PBX4: variants seen among roughly 807,000 people sequenced by gnomAD.
The protein encoded by PBX4 is pre-B-cell leukemia transcription factor 4.
PBX4 carries 26 observed loss-of-function variants against 35.1 expected under a neutral mutation model. The observed-to-expected ratio is 0.74, with a 90% CI of 0.54 to 1.03. The LOEUF is 1.03. Among genes scored for constraint, PBX4 ranks in the 50% least tolerant of loss-of-function variants. PBX4 has a pLI of 0.00. For missense variants in PBX4, 448 were observed against 504.3 expected (o/e 0.89, Z 1.07); for synonymous variants, 199 against 204.2 (o/e 0.97, Z 0.22).
rs1161029741 is a variant in PBX4 at position 19,594,589 on chromosome 19, A to ATGCGTGT, written c.193+4702_193+4703insACACGCA. The stretch of plus-strand genomic sequence containing the variant: ...CAGACTCATGCAGTAACATCCACAC[A>ATGCGTGT]GGGGCAGATGGAATTATGAAGAGGC... On this transcript the variant is annotated intron_variant, in intron 2 of 7. Coordinates refer to ENST00000251203, the MANE Select transcript of PBX4 (RefSeq NM_025245.3). Among the ~76,000 whole-genome samples the ATGCGTGT allele has an allele frequency of 1.1e-4, 16 of 152,226 alleles. No individual in the cohort carries two copies. The East Asian group carries it at 3.1e-3, about 29-fold the overall frequency.
chr19:19,595,134 A>G (rs998407546), intron 2 of PBX4, among the ~76,000 whole-genome samples: 2 of 152,222 alleles, frequency 1.3e-5, no homozygotes, highest in South Asian at 4.1e-4. Context: ...TCCTGGGGTC[A>G]GGGTCAGGGG....
intron 1 of PBX4, among the ~76,000 whole-genome samples, chr19:19,603,365 G>A (rs1490777382): frequency 1.3e-5 from 2 of 151,922 alleles, no homozygotes; most frequent in Non-Finnish European, 2.9e-5. Flanking sequence ...AGGCTGGAGT[G>A]CAGTGGTGCA....
At chr19:19,565,165 G>C in intron 5 of PBX4, 76 bp from the exon 6 acceptor site, 3 of 1,582,942 alleles carry the variant, frequency 1.9e-6, no homozygotes, top group Non-Finnish European at 2.6e-6. Context: ...GGGTTCCCTG[G>C]GGTGCCCGTT....
intron 1 of PBX4, among the ~76,000 whole-genome samples, chr19:19,601,464 A>G (rs2061596758): frequency 6.6e-6 from 1 of 152,188 alleles, no homozygotes; most frequent in South Asian, 2.1e-4. Flanking sequence ...TATGGTTGGC[A>G]GGATAATGGC....
At chr19:19,593,448 C>A (rs2061541089) in intron 2 of PBX4, among the ~76,000 whole-genome samples, 1 of 152,174 alleles carries the variant, frequency 6.6e-6, no homozygotes, top group Admixed American at 6.5e-5. Flanking sequence ...GGGATGAGGA[C>A]AGATGGAGCA....
chr19:19,563,278 C>A lies in PBX4; in HGVS notation c.1032+231G>T, dbSNP rs1220664238. On this transcript the variant is annotated intron_variant, in intron 7 of 7. Coordinates refer to ENST00000251203, the MANE Select transcript of PBX4 (RefSeq NM_025245.3). This position sits in a 1 kb window ranked among gnomAD's most constrained non-coding sequence, Gnocchi z 5.1. The stretch of plus-strand genomic sequence containing the variant: ...GCCCTCATCTTGGGGTTCATCCCCA[C>A]TGACTGTTCCCAGCGGCTGCCGTGG... Among the ~76,000 whole-genome samples, 1 of 152,206 alleles carries A rather than the reference C, an allele frequency of 6.6e-6. No homozygotes were observed. Among genetic ancestry groups the A allele is most frequent in the Non-Finnish European group, 1.5e-5 (1 of 68,034 alleles).
At position 19,563,859 on chromosome 19, in the gene PBX4, G is replaced by C. The variant is rs2061324277; in HGVS notation, c.926-244C>G. The stretch of plus-strand genomic sequence containing the variant: ...GTCTCGCTCTGTCACCCAGGCTTGA[G>C]TGCAGTGGCACGATCTTGGCTCACT... On this transcript the variant is annotated intron_variant, in intron 6 of 7. Coordinates refer to ENST00000251203, the MANE Select transcript of PBX4 (RefSeq NM_025245.3). This position sits in a 1 kb window ranked among gnomAD's most constrained non-coding sequence, Gnocchi z 5.1. The C allele has an allele frequency of 2.6e-6, 1 of 387,588 alleles. No individual in the cohort carries two copies. The highest frequency in any genetic ancestry group is 4.9e-6 in the Non-Finnish European group (1 of 204,980). The allele number at this position is 387,588 out of a possible 1,614,324, so 24.0% of individuals were successfully genotyped here.
At chr19:19,615,405 G>A (rs2061684060) in intron 1 of PBX4, among the ~76,000 whole-genome samples, 1 of 151,104 alleles carries the variant, frequency 6.6e-6, no homozygotes, top group African/African-American at 2.4e-5. Flanking sequence ...TTCTCAAACA[G>A]AGCATCTGAA....
At chr19:19,600,259 G>A (rs1426361944) in intron 1 of PBX4, among the ~76,000 whole-genome samples, 1 of 152,170 alleles carries the variant, frequency 6.6e-6, no homozygotes, top group Non-Finnish European at 1.5e-5. Context: ...GGCATTAGTG[G>A]CTCATGTCTG....
chr19:19,567,307 T>C (rs751538894), intron 5 of PBX4, among the ~76,000 whole-genome samples: 20 of 152,212 alleles, frequency 1.3e-4, no homozygotes, highest in Admixed American at 5.9e-4. Flanking sequence ...CAGATCCCGA[T>C]GAGCAAAGTC....
chr19:19,570,930 T>G, intron 2 of PBX4, 97 bp from the exon 3 acceptor site: 1 of 1,489,736 alleles, frequency 6.7e-7, no homozygotes, highest in Non-Finnish European at 9.1e-7. Context: ...TGAAGATTTT[T>G]GCATAGAACC....
At chr19:19,589,469 G>T (rs564272772) in intron 2 of PBX4, among the ~76,000 whole-genome samples, 1 of 151,106 alleles carries the variant, frequency 6.6e-6, no homozygotes, top group South Asian at 2.1e-4. Context: ...CAAAGAAAAA[G>T]AAAGAAAAAA....
Position 19,569,521 on chromosome 19 carries a change from A to G in PBX4, c.696T>C (p.His232=). The change falls in exon 5 of 8, where the codon CAT becomes CAC. Residue 232 remains histidine, a synonymous_variant. Transcript: ENST00000251203. Reference sequence around the variant, plus strand: ...CTTCGCTGGGGTAAGGGTTGTTCAGATGGGAGTAAAAATACTCATTCAGCA... The same window carrying G: ...CTTCGCTGGGGTAAGGGTTGTTCAGGTGGGAGTAAAAATACTCATTCAGCA... ...TEVLNEYFYS[H]LNNPYPSEEA... is the part of the protein sequence containing the mutation. 4 of 1,613,960 alleles carry G rather than the reference A, an allele frequency of 2.5e-6. No homozygotes were observed. In the South Asian group the frequency reaches 3.3e-5, roughly 13 times the overall value.
chr19:19,572,451 A>G (rs2144717739), intron 2 of PBX4, among the ~76,000 whole-genome samples: 1 of 152,258 alleles, frequency 6.6e-6, no homozygotes, highest in East Asian at 1.9e-4. Flanking sequence ...TATATCATAT[A>G]GTCATTTACA....
Position 19,562,465 on chromosome 19 carries a change from C to G in PBX4, c.1033-348G>C, listed in dbSNP as rs921890200. Among the ~76,000 whole-genome samples, 2 of 152,020 alleles carry G rather than the reference C, an allele frequency of 1.3e-5. No homozygotes were observed. Among genetic ancestry groups the G allele is most frequent in the Non-Finnish European group, 2.9e-5 (2 of 68,012 alleles). Reference sequence around the variant, plus strand: ...CAGGCCTGGAGCCCATGATGACGCCCGGAGCGTCATGGTGAGACTCGGTGG... The same window carrying G: ...CAGGCCTGGAGCCCATGATGACGCCGGGAGCGTCATGGTGAGACTCGGTGG... On this transcript the variant is annotated intron_variant, in intron 7 of 7. Coordinates refer to ENST00000251203, the MANE Select transcript of PBX4 (RefSeq NM_025245.3). The surrounding 1 kb of genome is among the most constrained non-coding windows in gnomAD (Gnocchi z 4.8).
chr19:19,573,530 G>T (rs1173235461), intron 2 of PBX4, among the ~76,000 whole-genome samples: 1 of 152,094 alleles, frequency 6.6e-6, no homozygotes, highest in Non-Finnish European at 1.5e-5. Flanking sequence ...GACATGCAGA[G>T]ACTTAACCAC....
At chr19:19,583,029 C>T (rs995062068) in intron 2 of PBX4, among the ~76,000 whole-genome samples, 36 of 152,240 alleles carry the variant, frequency 2.4e-4, no homozygotes, top group African/African-American at 7.0e-4. Context: ...AGCAAGAGAG[C>T]GGAGGTGGCC....
chr19:19,563,624 G>T lies in PBX4; in HGVS notation c.926-9C>A. On this transcript the variant is annotated splice_polypyrimidine_tract_variant and intron_variant, in intron 6 of 7. Coordinates refer to ENST00000251203, the MANE Select transcript of PBX4 (RefSeq NM_025245.3). The surrounding 1 kb of genome is among the most constrained non-coding windows in gnomAD (Gnocchi z 5.1). ...GAAGGGTCCAGAGGAGCCTGGAAGA[G>T]ATGGGAGCCGGGGTGGGCAGAGTCG... 6.5e-7 allele frequency: 1 copy of T among 1,548,004 alleles called. No homozygotes were observed. Among genetic ancestry groups the T allele is most frequent in the South Asian group, 1.2e-5 (1 of 83,960 alleles).
At chr19:19,607,165 T>C (rs2061636548) in intron 1 of PBX4, among the ~76,000 whole-genome samples, 2 of 152,120 alleles carry the variant, frequency 1.3e-5, no homozygotes, top group South Asian at 2.1e-4. Context: ...GCGATTCTTG[T>C]GCCTCAGCCT....
Sources: allele counts gnomAD v4.1 joint callset (sites outside exome capture counted in the v4.1 genomes callset), GRCh38; gene constraint gnomAD v4.1.1; non-coding constraint Gnocchi (gnomAD v3.1); transcripts MANE v1.5; gene names NCBI Gene and HGNC (gene_info 2026-07-23, HGNC 2026-07-21).